The following BNIP1 variants were observed in gnomAD, a reference collection of about 807,000 sequenced individuals.
BNIP1 encodes the protein BCL2 interacting protein 1, also known as vesicle transport protein SEC20.
BNIP1 carries 25 observed loss-of-function variants against 28.5 expected under a neutral mutation model. That is an observed-to-expected ratio of 0.88 (90% CI 0.64 to 1.23). BNIP1 has a LOEUF of 1.23. Ranked by LOEUF, BNIP1 falls within the 50% of genes most tolerant of loss-of-function variation. The probability of loss-of-function intolerance (pLI) is 0.00; values close to 1 mark genes in which losing one functional copy is unlikely to be tolerated. For synonymous variants in BNIP1, 118 were observed against 101.7 expected, an observed-to-expected ratio of 1.16 and a Z score of -0.96; for missense variants, 276 against 277.0, an observed-to-expected ratio of 1.00 and a Z score of 0.02.
intron 3 of BNIP1, among the ~76,000 whole-genome samples, chr5:173,156,953 C>T (rs72816164): frequency 0.02 from 3,022 of 150,806 alleles, 64 homozygotes; most frequent in East Asian, 0.089. Flanking sequence ...CCAGCCGACC[C>T]TGTCTCAAAA....
intron 2 of BNIP1, among the ~76,000 whole-genome samples, chr5:173,147,303 G>T (rs1376051866): frequency 6.6e-6 from 1 of 152,036 alleles, no homozygotes; most frequent in African/African-American, 2.4e-5. Flanking sequence ...TACTCAGGAG[G>T]CTGAGGCAGG....
At chr5:173,156,831 G>A (rs576219183) in intron 3 of BNIP1, among the ~76,000 whole-genome samples, 2 of 151,728 alleles carry the variant, frequency 1.3e-5, no homozygotes, top group South Asian at 4.2e-4. Flanking sequence ...TATATTTTTA[G>A]TAGAGATGGG....
intron 5 of BNIP1, among the ~76,000 whole-genome samples, chr5:173,160,456 A>G (rs902865121): frequency 6.6e-6 from 1 of 151,044 alleles, no homozygotes; most frequent in African/African-American, 2.4e-5. Flanking sequence ...CTGGTCTTGA[A>G]CTCCCAACCT....
chr5:173,150,220 T>C (rs868801521), intron 2 of BNIP1, among the ~76,000 whole-genome samples: 6 of 148,676 alleles, frequency 4.0e-5, no homozygotes, highest in Admixed American at 6.8e-5. Context: ...ATTGTGCCAC[T>C]GCACTCCAGC....
intron 5 of BNIP1, chr5:173,161,806 C>T (rs1284230787): frequency 6.6e-6 from 1 of 152,102 alleles, no homozygotes; most frequent in Admixed American, 6.6e-5. Flanking sequence ...GGACACATGG[C>T]ATTTCATGAT....
In BNIP1 at chr5:173,146,889, C is replaced by T. The variant is rs1169568123; in HGVS notation, c.108C>T (p.Pro36=). Reference sequence around the variant, plus strand: ...AGGATATCCGTGATTGTTCAGGACCCTTAAGTGCTCTTACTGAACTGAATA... The same window carrying T: ...AGGATATCCGTGATTGTTCAGGACCTTTAAGTGCTCTTACTGAACTGAATA... ...LIQDIRDCSG[P]LSALTELNTK... is the part of the protein sequence containing the mutation. Residue 36 remains proline, a synonymous_variant, in exon 2 of 6, where the codon CCC becomes CCT. Transcript: ENST00000351486. 1 of 1,613,918 alleles carries T rather than the reference C, an allele frequency of 6.2e-7. No homozygotes were observed. Among genetic ancestry groups the T allele is most frequent in the Non-Finnish European group, 8.5e-7 (1 of 1,179,870 alleles).
intron 5 of BNIP1, 94 bp downstream of exon 5, chr5:173,160,145 C>G: frequency 4.4e-6 from 5 of 1,141,744 alleles, no homozygotes; most frequent in Non-Finnish European, 6.4e-6. Context: ...CCACCACAGC[C>G]CACACGATGT....
intron 5 of BNIP1, chr5:173,161,484 C>A (rs1362429834): frequency 6.6e-6 from 1 of 152,206 alleles, no homozygotes; most frequent in South Asian, 2.1e-4. Context: ...CGACAGCATA[C>A]CCCCCGCTAA....
intron 1 of BNIP1, 72 bp downstream of exon 1, chr5:173,144,701 G>A (rs1185903317): frequency 2.0e-6 from 3 of 1,516,892 alleles, no homozygotes; most frequent in East Asian, 2.3e-5. Flanking sequence ...GAGCTTGGCA[G>A]TGTCACTCCC....
Position 173,154,549 on chromosome 5 carries a change from G to A in BNIP1, c.269+136G>A, listed in dbSNP as rs555424630. ...CTTTTTTTTTTTTTTGAGAGACGGT[G>A]TCTCGCTCTATTGCCCAGGCTGGAG... On this transcript the variant is annotated intron_variant, in intron 3 of 5. Coordinates refer to ENST00000351486, the MANE Select transcript of BNIP1 (RefSeq NM_001205.3). The A allele has an allele frequency of 6.0e-5, 40 of 663,126 alleles. No individual in the cohort carries two copies. In the African/African-American group the frequency reaches 6.9e-4, roughly 12 times the overall value. 41.1% of individuals were successfully genotyped at this position (663,126 alleles called of 1,614,324 possible). A position where few individuals can be genotyped will look rare whatever the true frequency, so the allele number is the denominator to read the frequency against.
At chr5:173,146,195 G>A (rs957640180) in intron 1 of BNIP1, among the ~76,000 whole-genome samples, 1 of 152,178 alleles carries the variant, frequency 6.6e-6, no homozygotes, top group Non-Finnish European at 1.5e-5. Flanking sequence ...TGTTCTATGA[G>A]GTAAGTAGTG....
In BNIP1 at chr5:173,154,345, G is replaced by C. The variant is rs147710868; in HGVS notation, c.201G>C (p.Glu67Asp). The change falls in exon 3 of 6, where the codon GAG becomes GAC. Residue 67 changes from glutamate to aspartate, a missense_variant. Transcript: ENST00000351486. The part of the protein sequence containing the change: ...RIQDLEQLAK[E>D]QDKESEKQLL... ...AGGACCTGGAGCAGTTGGCTAAAGA[G>C]CAAGACAAAGAATCAGAGAAACAAC... The C allele has an allele frequency of 1.2e-6, 2 of 1,613,904 alleles. No homozygotes were observed. Among genetic ancestry groups the C allele is most frequent in the African/African-American group, 2.7e-5 (2 of 75,026 alleles).
intron 1 of BNIP1, among the ~76,000 whole-genome samples, chr5:173,145,956 G>A (rs1465056507): frequency 6.6e-6 from 1 of 152,234 alleles, no homozygotes; most frequent in Non-Finnish European, 1.5e-5. Context: ...CTTCTCTGAT[G>A]TATACATTAC....
intron 2 of BNIP1, among the ~76,000 whole-genome samples, chr5:173,147,328 C>T (rs571011421): frequency 5.9e-4 from 89 of 152,080 alleles, no homozygotes; most frequent in African/African-American, 2.0e-3. Context: ...TGGCGTGAAC[C>T]CAGGAGGCGG....
intron 5 of BNIP1, among the ~76,000 whole-genome samples, chr5:173,160,649 G>A (rs866582197): frequency 1.2e-4 from 19 of 152,156 alleles, no homozygotes; most frequent in African/African-American, 4.6e-4. Flanking sequence ...AGAGGGTGTC[G>A]GCAGGGCTGG....
Position 173,154,406 on chromosome 5 carries a change from A to T in BNIP1, c.262A>T (p.Met88Leu), listed in dbSNP as rs369206236. Residue 88 changes from methionine to leucine, a missense_variant, in exon 3 of 6, where the codon ATG becomes TTG. By Grantham distance (15) the Met-to-Leu change is conservative. Coordinates refer to ENST00000351486, the MANE Select transcript of BNIP1 (RefSeq NM_001205.3). ...LQEVENHKKQ[M>L]LSNQASWRKA... is the part of the protein sequence containing the mutation. ...GGAAGTGGAGAATCACAAAAAGCAG[A>T]TGCTCAGGTAGGCAGGGCCTGCCCC... The T allele has an allele frequency of 2.3e-4, 366 of 1,612,932 alleles. No homozygotes were observed. Among genetic ancestry groups the T allele is most frequent in the Non-Finnish European group, 3.0e-4 (354 of 1,179,436 alleles).
chr5:173,154,291 C>T, intron 2 of BNIP1, 31 bp from the exon 3 acceptor site: 13 of 1,591,256 alleles, frequency 8.2e-6, no homozygotes, highest in Non-Finnish European at 1.1e-5. Context: ...CTTTTGAAAT[C>T]ATTTTAACAT....
intron 5 of BNIP1, among the ~76,000 whole-genome samples, chr5:173,162,047 C>T (rs1373426942): frequency 1.3e-5 from 2 of 152,082 alleles, no homozygotes; most frequent in East Asian, 3.8e-4. Flanking sequence ...ATCCTATTTA[C>T]TTATTAGCTT....
rs1760451193 is a variant in BNIP1, at chr5:173,164,375, A to G, written c.*454A>G. ...TATTTAATAGAATAAAATGTATTTG[A>G]TTTTGTAAGATAGCCCTCTGGGAAT... On this transcript the variant is annotated 3_prime_UTR_variant, in exon 6 of 6. Coordinates refer to ENST00000351486, the MANE Select transcript of BNIP1 (RefSeq NM_001205.3). This position sits in a 1 kb window ranked among gnomAD's most constrained non-coding sequence, Gnocchi z 4.0. 6.5e-6 allele frequency: 1 copy of G among 153,006 alleles called. No homozygotes were observed. The highest frequency in any genetic ancestry group is 2.4e-5 in the African/African-American group (1 of 41,466). 9.5% of individuals were successfully genotyped at this position (153,006 alleles called of 1,614,324 possible). A position where few individuals can be genotyped will look rare whatever the true frequency, so the allele number is the denominator to read the frequency against.
Sources: allele counts gnomAD v4.1 joint callset (sites outside exome capture counted in the v4.1 genomes callset), GRCh38; gene constraint gnomAD v4.1.1; non-coding constraint Gnocchi (gnomAD v3.1); transcripts MANE v1.5; gene names NCBI Gene and HGNC (gene_info 2026-07-23, HGNC 2026-07-21).